Variants in PLCB1 observed in about 807,000 individuals in gnomAD.
PLCB1 encodes 1-phosphatidylinositol 4,5-bisphosphate phosphodiesterase beta-1.
In PLCB1, 46 loss-of-function variants were observed where a neutral mutation model predicts 161.8. The observed-to-expected ratio is 0.28, with a 90% CI of 0.22 to 0.36. The LOEUF is 0.36. Ranked by LOEUF, PLCB1 falls within the 10% of genes least tolerant of loss-of-function variation. The pLI is 1.00. For synonymous variants in PLCB1, 517 were observed against 503.7 expected, an observed-to-expected ratio of 1.03 and a Z score of -0.35; for missense variants, 1,016 against 1,472.5, an observed-to-expected ratio of 0.69 and a Z score of 5.07.
At chr20:8,732,319 T>C (rs1197522728) in intron 18 of PLCB1, 3 of 152,044 alleles carry the variant, frequency 2.0e-5, no homozygotes, top group Admixed American at 1.3e-4. Context: ...TGGTTTAAGC[T>C]TTCTGAAGGG....
At chr20:8,863,633 C>T (rs758822782) in intron 31 of PLCB1, among the ~76,000 whole-genome samples, 3 of 152,198 alleles carry the variant, frequency 2.0e-5, no homozygotes, top group Non-Finnish European at 4.4e-5. Context: ...TCTGTATAAC[C>T]TCACACACCG....
intron 31 of PLCB1, chr20:8,792,132 A>T (rs1362400753): frequency 6.2e-6 from 1 of 160,170 alleles, no homozygotes; most frequent in Non-Finnish European, 1.4e-5. Flanking sequence ...AGCTCCACAC[A>T]TCATAACCTT....
At position 8,748,799 on chromosome 20, in the gene PLCB1, A is replaced by G. The variant is rs535355139; in HGVS notation, c.2523+7226A>G. 1.2e-4 allele frequency among the ~76,000 whole-genome samples: 18 copies of G among 152,326 alleles called. No individual in the cohort carries two copies. The South Asian group carries it at 3.7e-3, about 32-fold the overall frequency. ...GTATCATAGTCAGAATTTTTTCTAA[A>G]TGAGTAGATTATAGCTGTTCTTGCC... On this transcript the variant is annotated intron_variant, in intron 23 of 31. Transcript: ENST00000338037.
At chr20:8,341,650 C>G (rs1985814500) in intron 2 of PLCB1, among the ~76,000 whole-genome samples, 1 of 152,190 alleles carries the variant, frequency 6.6e-6, no homozygotes, top group Non-Finnish European at 1.5e-5. Flanking sequence ...GCCTGACTTT[C>G]TACCTCCTTT....
intron 3 of PLCB1, among the ~76,000 whole-genome samples, chr20:8,513,036 A>G (rs1360035503): frequency 6.6e-6 from 1 of 152,172 alleles, no homozygotes; most frequent in Non-Finnish European, 1.5e-5. Flanking sequence ...AAATGAGATC[A>G]TGTAATATTT....
At position 8,737,180 on chromosome 20, in the gene PLCB1, T is replaced by G; in HGVS notation, c.2196T>G (p.Ile732Met). The change falls in exon 20 of 32, where the codon ATT becomes ATG. Residue 732 changes from isoleucine to methionine, a missense_variant. Around this residue, in one of 10 missense-constraint regions of PLCB1, gnomAD observed 75 missense variants for 117.0 expected, o/e 0.64. Transcript: ENST00000338037. Reference sequence around the variant, plus strand: ...ATCCTGTCTGGGAAGAAGAACCTATTGTGTTCAAAAAGGTTGGTCACATGT... The same window carrying G: ...ATCCTGTCTGGGAAGAAGAACCTATGGTGTTCAAAAAGGTTGGTCACATGT... The part of the protein sequence containing the change: ...AVNPVWEEEP[I>M]VFKKVVLPTL... The G allele has an allele frequency of 1.2e-6, 2 of 1,613,676 alleles. No homozygotes were observed. The highest frequency in any genetic ancestry group is 2.2e-5 in the East Asian group (1 of 44,808).
At chr20:8,630,880 G>A (rs1412899206) in intron 4 of PLCB1, among the ~76,000 whole-genome samples, 1 of 152,056 alleles carries the variant, frequency 6.6e-6, no homozygotes, top group Non-Finnish European at 1.5e-5. Context: ...CCTCTTCTCT[G>A]TGGGTTACTA....
chr20:8,792,091 AC>A (rs1219534700), intron 31 of PLCB1: 1 of 153,118 alleles, frequency 6.5e-6, no homozygotes, highest in Non-Finnish European at 1.5e-5. Context: ...CTAGATCCAG[AC>A]CGTGAACTCA....
At chr20:8,317,418 G>A (rs1464489255) in intron 2 of PLCB1, among the ~76,000 whole-genome samples, 3 of 152,038 alleles carry the variant, frequency 2.0e-5, no homozygotes, top group African/African-American at 7.2e-5. Flanking sequence ...GGTAGGAGGG[G>A]CTGTGCCACT....
At chr20:8,252,338 A>T (rs2123225395) in intron 2 of PLCB1, among the ~76,000 whole-genome samples, 1 of 152,020 alleles carries the variant, frequency 6.6e-6, no homozygotes, top group Admixed American at 6.6e-5. Flanking sequence ...GAACCTGCTG[A>T]CTTCCCTTGT....
chr20:8,157,990 G>A (rs1393309355), intron 2 of PLCB1, among the ~76,000 whole-genome samples: 1 of 152,036 alleles, frequency 6.6e-6, no homozygotes, highest in African/African-American at 2.4e-5. Flanking sequence ...TTGTTCCTTG[G>A]TTTCATAAGT....
chr20:8,498,062 C>G (rs1983250270), intron 3 of PLCB1, among the ~76,000 whole-genome samples: 2 of 152,078 alleles, frequency 1.3e-5, no homozygotes, highest in Non-Finnish European at 2.9e-5. Context: ...ATTCCTATAG[C>G]CAATAGCCAA....
chr20:8,790,552 C>T (rs1983704933), intron 31 of PLCB1, among the ~76,000 whole-genome samples: 1 of 152,104 alleles, frequency 6.6e-6, no homozygotes, highest in South Asian at 2.1e-4. Flanking sequence ...AGTCCGTTTC[C>T]CCTGGAGAAT....
intron 3 of PLCB1, among the ~76,000 whole-genome samples, chr20:8,589,757 A>G (rs1321133892): frequency 2.6e-5 from 4 of 151,820 alleles, no homozygotes; most frequent in Non-Finnish European, 4.4e-5. Flanking sequence ...CTGGGGCTAC[A>G]GATGTGTGCC....
At chr20:8,349,367 T>C (rs1986106122) in intron 2 of PLCB1, among the ~76,000 whole-genome samples, 1 of 152,206 alleles carries the variant, frequency 6.6e-6, no homozygotes, top group African/African-American at 2.4e-5. Flanking sequence ...AAAGGGTCTT[T>C]TGCTAGCGTT....
At chr20:8,347,547 A>G (rs772352442) in intron 2 of PLCB1, among the ~76,000 whole-genome samples, 32 of 152,200 alleles carry the variant, frequency 2.1e-4, no homozygotes, top group Non-Finnish European at 4.4e-4. Flanking sequence ...TTTAATGGAA[A>G]TTTCCATTAG....
chr20:8,173,461 C>T (rs533187537), intron 2 of PLCB1, among the ~76,000 whole-genome samples: 172 of 152,264 alleles, frequency 1.1e-3, no homozygotes, highest in African/African-American at 3.9e-3. Flanking sequence ...ATTAAACCAT[C>T]GGTGGAATGA....
At chr20:8,792,244 C>T (rs573384394) in intron 31 of PLCB1, 1 of 183,156 alleles carries the variant, frequency 5.5e-6, no homozygotes, top group East Asian at 1.3e-4. Flanking sequence ...GGTGTTTCCT[C>T]ATTGGGTACA....
intron 3 of PLCB1, among the ~76,000 whole-genome samples, chr20:8,601,003 C>T (rs372278898): frequency 0.026 from 3,952 of 152,152 alleles, 58 homozygotes; most frequent in Middle Eastern, 0.055. Flanking sequence ...CACTGTCTGG[C>T]ACTCCCTAGT....
Sources: allele counts gnomAD v4.1 joint callset (sites outside exome capture counted in the v4.1 genomes callset), GRCh38; gene constraint gnomAD v4.1.1; regional missense constraint gnomAD v4.1.1; transcripts MANE v1.5; gene names NCBI Gene and HGNC (gene_info 2026-07-23, HGNC 2026-07-21).